CLIP1: variants seen among roughly 807,000 people sequenced by gnomAD.
CLIP1 encodes the protein CAP-Gly domain containing linker protein 1.
CLIP1 carries 66 observed loss-of-function variants against 161.6 expected under a neutral mutation model. That is an observed-to-expected ratio of 0.41 (90% confidence interval 0.33 to 0.50). CLIP1 has a LOEUF of 0.50. Ranked by LOEUF, CLIP1 falls within the 20% of genes least tolerant of loss-of-function variation. The pLI is 0.27. For synonymous variants in CLIP1, 598 were observed against 626.2 expected (o/e 0.96, Z 0.67); for missense variants, 1,376 against 1,702.0 (o/e 0.81, Z 3.37).
chr12:122,287,495 GTA>G (rs1955906599), intron 21 of CLIP1, among the ~76,000 whole-genome samples: 1 of 152,146 alleles, frequency 6.6e-6, no homozygotes, highest in African/African-American at 2.4e-5. Context: ...CATCACTGTT[GTA>G]ATATGCACCC....
chr12:122,371,328 A>G lies in CLIP1; in HGVS notation c.657+6061T>C, dbSNP rs115332868. Among the ~76,000 whole-genome samples, 682 of 152,250 alleles carry G rather than the reference A, an allele frequency of 4.5e-3. 7 individuals carry two copies. The highest frequency in any genetic ancestry group is 0.01 in the African/African-American group (429 of 41,546). ...AAAAGCTCCAAACTCCCAAGCCCCA[A>G]GAGCCTATACAAAGTTCTCAAGTCT... On this transcript the variant is annotated intron_variant, in intron 3 of 25. Transcript: ENST00000620786.
intron 18 of CLIP1, among the ~76,000 whole-genome samples, chr12:122,318,178 C>T (rs917772510): frequency 8.5e-5 from 13 of 152,180 alleles, no homozygotes; most frequent in African/African-American, 3.1e-4. Context: ...ACAGTGGCTC[C>T]TCAGTTTGGC....
chr12:122,297,470 G>A lies in CLIP1; in HGVS notation c.3595-8929C>T, dbSNP rs1292893398. The stretch of plus-strand genomic sequence containing the variant: ...AATGTGTCATAGTCAGTATGCTGGT[G>A]CTCTCAATGGGTATGAGTTAGTAGT... On this transcript the variant is annotated intron_variant, in intron 20 of 25. Transcript: ENST00000620786. Among the ~76,000 whole-genome samples the A allele has an allele frequency of 2.0e-5, 3 of 152,288 alleles. No homozygotes were observed. In the East Asian group the frequency reaches 5.8e-4, roughly 29 times the overall value.
At chr12:122,278,096 A>G (rs1955504133) in intron 24 of CLIP1, 58 bp downstream of exon 24, 8 of 1,495,612 alleles carry the variant, frequency 5.3e-6, no homozygotes, top group Non-Finnish European at 6.4e-6. Context: ...AATAAACGAA[A>G]AGATTCAATG....
intron 1 of CLIP1, among the ~76,000 whole-genome samples, chr12:122,397,214 G>A (rs1281360849): frequency 6.6e-6 from 1 of 151,976 alleles, no homozygotes; most frequent in East Asian, 1.9e-4. Context: ...GGAACCTACT[G>A]TGTACAATCC....
At chr12:122,300,038 G>T (rs1444933290) in intron 20 of CLIP1, among the ~76,000 whole-genome samples, 2 of 152,194 alleles carry the variant, frequency 1.3e-5, no homozygotes, top group Non-Finnish European at 2.9e-5. Flanking sequence ...CCAGAGGATC[G>T]CTTGAGTCCA....
In CLIP1 at chr12:122,377,557, G is replaced by A; in HGVS notation, c.489C>T (p.Thr163=). 26 of 1,613,992 alleles carry A rather than the reference G, an allele frequency of 1.6e-5. No homozygotes were observed. The highest frequency in any genetic ancestry group is 2.2e-5 in the Non-Finnish European group (26 of 1,180,022). The change falls in exon 3 of 26, where the codon ACC becomes ACT. Residue 163 remains threonine, a synonymous_variant. Coordinates refer to ENST00000620786, the MANE Select transcript of CLIP1 (RefSeq NM_001247997.2). Reference sequence around the variant, plus strand: ...ATGGTTTCTGAGGGATGTTTGAAGGGGTGGAGGGGGAGGAAGACACCATGC... The same window carrying A: ...ATGGTTTCTGAGGGATGTTTGAAGGAGTGGAGGGGGAGGAAGACACCATGC... ...TASMVSSSPS[T]PSNIPQKPSQ... is the part of the protein sequence containing the mutation.
chr12:122,408,427 C>T (rs1275760167), intron 1 of CLIP1, among the ~76,000 whole-genome samples: 1 of 151,956 alleles, frequency 6.6e-6, no homozygotes, highest in Non-Finnish European at 1.5e-5. Context: ...CAGCTCACTG[C>T]AACCTCTACC....
intron 11 of CLIP1, among the ~76,000 whole-genome samples, chr12:122,338,844 G>A (rs1952361538): frequency 6.6e-6 from 1 of 152,156 alleles, no homozygotes; most frequent in African/African-American, 2.4e-5. Context: ...TAATTTTTGT[G>A]TTTTGATTAG....
At position 122,387,631 on chromosome 12, in the gene CLIP1, GCT is replaced by G. The variant is rs1212202120; in HGVS notation, c.-106-7075_-106-7074del. On this transcript the variant is annotated intron_variant, in intron 1 of 25. Coordinates refer to ENST00000620786, the MANE Select transcript of CLIP1 (RefSeq NM_001247997.2). Reference sequence around the variant, plus strand: ...TTTTTTTTTTTAGAAACAAGGTCTTGCTCTGACACCCAGACAGGAGTGCAGTG... The same window carrying G: ...TTTTTTTTTTTAGAAACAAGGTCTTGCTGACACCCAGACAGGAGTGCAGTG... Among the ~76,000 whole-genome samples, 18 of 113,312 alleles carry G rather than the reference GCT, an allele frequency of 1.6e-4. No homozygotes were observed. The South Asian group carries it at 5.0e-3, about 31-fold the overall frequency. 74.3% of individuals were successfully genotyped at this position (113,312 alleles called of 152,430 possible). A position where few individuals can be genotyped will look rare whatever the true frequency, so the allele number is the denominator to read the frequency against.
Position 122,409,876 on chromosome 12 carries a change from T to TA in CLIP1, c.-107+12644_-107+12645insT, listed in dbSNP as rs1324462944. ...TAACTTCAGTGTTTGTTATTTTTAT[T>TA]TTTTTTTTTTTTGAGACTGAGTCTT... On this transcript the variant is annotated intron_variant, in intron 1 of 25. Transcript: ENST00000620786. Among the ~76,000 whole-genome samples the TA allele has an allele frequency of 7.4e-5, 11 of 148,650 alleles. No individual in the cohort carries two copies. In the South Asian group the frequency reaches 1.1e-3, roughly 14 times the overall value.
chr12:122,328,822 T>C (rs1408501198), intron 15 of CLIP1, among the ~76,000 whole-genome samples: 3 of 152,114 alleles, frequency 2.0e-5, no homozygotes, highest in Non-Finnish European at 4.4e-5. Context: ...GCCTCGTGAT[T>C]CGCCTGCCTC....
rs758910798 is a variant in CLIP1, at chr12:122,340,934, T to G, written c.2270A>C (p.Lys757Thr). The change falls in exon 11 of 26, where the codon AAG becomes ACG. Residue 757 changes from lysine to threonine, a missense_variant. Transcript: ENST00000620786. ...VLQAKCNEQT[K>T]VIDNFTSQLK... is the part of the protein sequence containing the mutation. ...CTGTGATGTAAAATTATCAATAACC[T>G]TGGTTTGTTCATTGCATTTGGCTTG... 4.3e-6 allele frequency: 7 copies of G among 1,614,192 alleles called. No homozygotes were observed. Among genetic ancestry groups the G allele is most frequent in the Non-Finnish European group, 5.9e-6 (7 of 1,180,024 alleles).
At chr12:122,369,681 T>C (rs905622976) in intron 3 of CLIP1, among the ~76,000 whole-genome samples, 2 of 151,496 alleles carry the variant, frequency 1.3e-5, no homozygotes, top group African/African-American at 4.9e-5. Flanking sequence ...AAGAGGGCTA[T>C]GAAAAAAATA....
At chr12:122,363,023 T>C (rs539272787) in intron 4 of CLIP1, among the ~76,000 whole-genome samples, 2 of 152,320 alleles carry the variant, frequency 1.3e-5, no homozygotes, top group East Asian at 1.9e-4. Context: ...TTGTCTGTTT[T>C]ATAAGTAAAA....
intron 20 of CLIP1, 75 bp from the exon 21 acceptor site, chr12:122,288,616 T>G: frequency 8.0e-7 from 1 of 1,256,918 alleles, no homozygotes; most frequent in Non-Finnish European, 1.1e-6. Flanking sequence ...CACATGTACA[T>G]CCCCCAGGCT....
At chr12:122,356,664 T>G (rs1288546909) in intron 5 of CLIP1, among the ~76,000 whole-genome samples, 1 of 151,960 alleles carries the variant, frequency 6.6e-6, no homozygotes, top group Non-Finnish European at 1.5e-5. Context: ...TCCCTCTCTT[T>G]CCATGGTCTC....
chr12:122,335,667 C>T (rs1166461397), intron 12 of CLIP1, among the ~76,000 whole-genome samples: 3 of 151,906 alleles, frequency 2.0e-5, no homozygotes, highest in African/African-American at 7.3e-5. Flanking sequence ...ATTAGCCAGT[C>T]GTGGTAACAG....
At chr12:122,298,099 T>C (rs996490812) in intron 20 of CLIP1, among the ~76,000 whole-genome samples, 1 of 152,216 alleles carries the variant, frequency 6.6e-6, no homozygotes. Context: ...TGCCTGATCC[T>C]GTTTCTTTCT....
Sources: gnomAD v4.1 joint callset for allele counts (sites outside exome capture counted in the v4.1 genomes callset) on GRCh38, gnomAD v4.1.1 for gene constraint, MANE v1.5 for transcripts, NCBI Gene and HGNC (gene_info 2026-07-23, HGNC 2026-07-21) for gene names.